The following PLD1 variants were observed in gnomAD, a reference collection of about 807,000 sequenced individuals.
PLD1 encodes phospholipase D1.
In PLD1, 112 loss-of-function variants were observed where a neutral mutation model predicts 137.1. The observed-to-expected ratio is 0.82, with a 90% CI of 0.70 to 0.96. The LOEUF (loss-of-function observed/expected upper bound fraction) is 0.96. Among genes scored for constraint, PLD1 ranks in the 40% least tolerant of loss-of-function variants. The pLI is 0.00. For synonymous variants in PLD1, 431 were observed against 454.7 expected (o/e 0.95, Z 0.66); for missense variants, 1,321 against 1,342.0 (o/e 0.98, Z 0.24).
rs147370952 is a variant in PLD1 at position 171,734,945 on chromosome 3, T to C, written c.460A>G (p.Arg154Gly). The C allele has an allele frequency of 8.1e-6, 13 of 1,612,522 alleles. No individual in the cohort carries two copies. Among genetic ancestry groups the C allele is most frequent in the Non-Finnish European group, 1.0e-5 (12 of 1,178,632 alleles). ...CTGGGCATCTCTCGAGGCTCCTCTC[T>C]GACGTTTTGCCTCCTAAACGTGTGT... Reference protein sequence around the residue: ...RRHTFRRQNVREEPREMPSLP... With the variant: ...RRHTFRRQNVGEEPREMPSLP... The change falls in exon 5 of 27, where the codon AGA (arginine) becomes GGA (glycine). Residue 154 changes from arginine to glycine, a missense_variant. Arg to Gly is a moderately radical substitution (Grantham distance 125). Transcript: ENST00000351298.
intron 19 of PLD1, among the ~76,000 whole-genome samples, chr3:171,668,064 C>T (rs576244477): frequency 9.9e-4 from 151 of 152,302 alleles, no homozygotes; most frequent in African/African-American, 3.5e-3. Context: ...CACTAGTTAC[C>T]GTTATTTTAA....
At chr3:171,673,576 T>A (rs7626797) in intron 19 of PLD1, among the ~76,000 whole-genome samples, 70,298 of 151,872 alleles carry the variant, frequency 0.46, 16,639 homozygotes, top group African/African-American at 0.54. Flanking sequence ...TGGCCTTTTT[T>A]AAAAAAAGTT....
At chr3:171,715,307 T>C (rs1717589123) in intron 8 of PLD1, among the ~76,000 whole-genome samples, 1 of 152,212 alleles carries the variant, frequency 6.6e-6, no homozygotes, top group Non-Finnish European at 1.5e-5. Flanking sequence ...TCTGTTCTAC[T>C]GGTCATGTGT....
At chr3:171,664,145 T>C (rs903973876) in intron 19 of PLD1, among the ~76,000 whole-genome samples, 2 of 152,152 alleles carry the variant, frequency 1.3e-5, no homozygotes, top group South Asian at 2.1e-4. Flanking sequence ...CATGAATATA[T>C]TAAATATCAT....
At chr3:171,631,473 G>T (rs1734658359) in intron 23 of PLD1, among the ~76,000 whole-genome samples, 2 of 152,106 alleles carry the variant, frequency 1.3e-5, no homozygotes, top group South Asian at 4.1e-4. Context: ...GTGTACAAAG[G>T]CCCAAAGTAG....
intron 21 of PLD1, among the ~76,000 whole-genome samples, chr3:171,652,034 A>T (rs9830147): frequency 0.17 from 26,580 of 152,164 alleles, 2,431 homozygotes; most frequent in South Asian, 0.23. Context: ...CTGTGTCCCA[A>T]GGTAACCTCT....
chr3:171,663,087 C>G (rs1239163793), intron 19 of PLD1, among the ~76,000 whole-genome samples: 2 of 152,212 alleles, frequency 1.3e-5, no homozygotes, highest in Non-Finnish European at 2.9e-5. Flanking sequence ...TTTCCCATTT[C>G]AAATACCCCA....
chr3:171,681,282 C>A (rs1335019106), intron 16 of PLD1, among the ~76,000 whole-genome samples: 1 of 152,124 alleles, frequency 6.6e-6, no homozygotes, highest in Non-Finnish European at 1.5e-5. Flanking sequence ...TTTCCTGGAT[C>A]CTGCTGGGAG....
intron 25 of PLD1, among the ~76,000 whole-genome samples, chr3:171,609,518 A>G (rs1490835738): frequency 2.2e-5 from 3 of 137,712 alleles, no homozygotes; most frequent in Admixed American, 2.1e-4. Flanking sequence ...ACACACACAC[A>G]CACACACACA....
chr3:171,613,676 G>C (rs1347261433), intron 24 of PLD1, among the ~76,000 whole-genome samples: 2 of 151,186 alleles, frequency 1.3e-5, no homozygotes. Context: ...TCAATACCTG[G>C]TTCATTCAAG....
chr3:171,668,207 A>G (rs1712357423), intron 19 of PLD1, among the ~76,000 whole-genome samples: 1 of 152,228 alleles, frequency 6.6e-6, no homozygotes, highest in South Asian at 2.1e-4. Flanking sequence ...TGCCCTGTTC[A>G]TATCAGCTCT....
rs770005140 is a variant in PLD1 at position 171,713,976 on chromosome 3, C to G, written c.828G>C (p.Leu276=). ...TAATTTTGAATTCTTTGTCTACCAG[C>G]AGGACGAAGGCAATGGCACCGCTGT... The part of the protein sequence containing the change: ...KPDSGAIAFV[L]LVDKEFKIKV... Residue 276 remains leucine (L), a synonymous_variant, in exon 9 of 27, where the codon CTG becomes CTC. Transcript: ENST00000351298. 1 of 1,610,454 alleles carries G rather than the reference C, an allele frequency of 6.2e-7. No individual in the cohort carries two copies. Among genetic ancestry groups the G allele is most frequent in the African/African-American group, 1.3e-5 (1 of 74,842 alleles).
At chr3:171,787,332 T>A (rs947077513) in intron 1 of PLD1, among the ~76,000 whole-genome samples, 3 of 152,224 alleles carry the variant, frequency 2.0e-5, no homozygotes, top group Admixed American at 1.3e-4. Context: ...GGATTTGTTA[T>A]GTTGGAATAG....
chr3:171,695,672 G>A (rs1027350351), intron 12 of PLD1, among the ~76,000 whole-genome samples: 14 of 152,126 alleles, frequency 9.2e-5, no homozygotes, highest in African/African-American at 3.4e-4. Flanking sequence ...ATTGCTCAAG[G>A]GAGCATAGTG....
chr3:171,703,859 G>T (rs1716446391), intron 11 of PLD1, among the ~76,000 whole-genome samples: 1 of 152,184 alleles, frequency 6.6e-6, no homozygotes, highest in East Asian at 1.9e-4. Context: ...GGTAGTGACA[G>T]GGTTGCAGTG....
intron 1 of PLD1, among the ~76,000 whole-genome samples, chr3:171,764,967 AAAGAAAG>A (rs1578440765): frequency 9.4e-6 from 1 of 106,190 alleles, no homozygotes; most frequent in East Asian, 2.5e-4. Flanking sequence ...AGAAAGAAAG[AAAGAAAG>A]AAAGAAAGAA....
Position 171,676,796 on chromosome 3 carries a change from C to T in PLD1, c.2034G>A (p.Trp678Ter). The T allele has an allele frequency of 6.2e-7, 1 of 1,614,172 alleles. No individual in the cohort carries two copies. The highest frequency in any genetic ancestry group is 1.1e-5 in the South Asian group (1 of 91,090). ...IDRYSTPRMP[W>*]HDIASAVHGK... ...CGTGGACTGCAGAGGCAATGTCATG[C>T]CAGGGCATCCGGGGCGTGGAGTACC... The change falls in exon 18 of 27, where the codon TGG becomes TGA. Residue 678 changes from tryptophan (W) to a stop codon, truncating the protein, a stop_gained. Transcript: ENST00000351298. LOFTEE classifies it high-confidence loss of function.
chr3:171,764,311 A>G (rs546353514), intron 1 of PLD1, among the ~76,000 whole-genome samples: 1 of 152,320 alleles, frequency 6.6e-6, no homozygotes, highest in South Asian at 2.1e-4. Flanking sequence ...AATCACTAAT[A>G]TTCATTTAAC....
Position 171,603,319 on chromosome 3 carries a change from T to G in PLD1, c.3001-17A>C. 1 of 1,580,344 alleles carries G rather than the reference T, an allele frequency of 6.3e-7. No individual in the cohort carries two copies. The highest frequency in any genetic ancestry group is 8.7e-7 in the Non-Finnish European group (1 of 1,150,550). On this transcript the variant is annotated splice_polypyrimidine_tract_variant and intron_variant, in intron 26 of 26. Coordinates refer to ENST00000351298, the MANE Select transcript of PLD1 (RefSeq NM_002662.5). ...CCGGAAAACCTGATTAGAGCATAAA[T>G]AGAAAAATGAGTGAAAAGTTTAAAA...
Sources: gnomAD v4.1 joint callset for allele counts (sites outside exome capture counted in the v4.1 genomes callset) on GRCh38, gnomAD v4.1.1 for gene constraint, MANE v1.5 for transcripts, NCBI Gene and HGNC (gene_info 2026-07-23, HGNC 2026-07-21) for gene names.